ADCY7: variants seen among roughly 807,000 people sequenced by gnomAD.
ADCY7 encodes adenylate cyclase type 7.
In ADCY7, 72 loss-of-function variants were observed where a neutral mutation model predicts 120.6. That is an observed-to-expected ratio of 0.60 (90% CI 0.49 to 0.73). The LOEUF is 0.73. ADCY7 is among the 30% of genes least tolerant of loss of function. The pLI is 0.00. For synonymous variants in ADCY7, 661 were observed against 628.0 expected (o/e 1.05, Z -0.78); for missense variants, 1,227 against 1,486.0 (o/e 0.83, Z 2.87).
chr16:50,310,681 CCT>C lies in ADCY7; in HGVS notation c.2161-4_2161-3del, dbSNP rs1263136851. ...CCCTGTCCTGAGTGACACCCTGCCC[CCT>C]CAGTACTACACCTGCAGCTGTGTCC... On this transcript the variant is annotated splice_polypyrimidine_tract_variant and splice_region_variant and intron_variant, in intron 18 of 25. Coordinates refer to ENST00000673801, the MANE Select transcript of ADCY7 (RefSeq NM_001114.5). 1.6e-5 allele frequency: 26 copies of C among 1,613,160 alleles called. No homozygotes were observed. The highest frequency in any genetic ancestry group is 2.0e-5 in the Non-Finnish European group (24 of 1,179,584).
chr16:50,309,755 A>G (rs1018804894), intron 18 of ADCY7, 109 bp downstream of exon 18: 2 of 965,762 alleles, frequency 2.1e-6, no homozygotes, highest in Non-Finnish European at 3.0e-6. Flanking sequence ...AGAGCACAGC[A>G]TGTGGAGGCT....
chr16:50,312,775 C>CT (rs1230110316), intron 21 of ADCY7, 115 bp from the exon 22 acceptor site: 1 of 906,322 alleles, frequency 1.1e-6, no homozygotes, highest in African/African-American at 1.7e-5. Flanking sequence ...CCCCTCCCCA[C>CT]TCCCCGAAAG....
upstream of ADCY7, among the ~76,000 whole-genome samples, chr16:50,262,234 C>G (rs1051070785): frequency 6.6e-6 from 1 of 151,800 alleles, no homozygotes; most frequent in Non-Finnish European, 1.5e-5. Context: ...ATGCCTGGAC[C>G]CTGCTGGGTA....
chr16:50,310,466 G>GC, intron 18 of ADCY7: 1 of 1,536,244 alleles, frequency 6.5e-7, no homozygotes, highest in Non-Finnish European at 8.7e-7. Context: ...CCTGCATACT[G>GC]TTTTTTCCCG....
chr16:50,287,264 C>T (rs2034639027), intron 1 of ADCY7, among the ~76,000 whole-genome samples: 1 of 151,920 alleles, frequency 6.6e-6, no homozygotes, highest in Non-Finnish European at 1.5e-5. Flanking sequence ...ATCTGCCTGC[C>T]TCGACCTCTC....
intron 20 of ADCY7, 61 bp from the exon 21 acceptor site, chr16:50,311,975 G>A: frequency 1.2e-6 from 2 of 1,602,740 alleles, no homozygotes; most frequent in East Asian, 2.2e-5. Context: ...GCTAGGAGAT[G>A]CACAGCAGCA....
intron 1 of ADCY7, among the ~76,000 whole-genome samples, chr16:50,269,790 C>A (rs1186019268): frequency 6.6e-6 from 1 of 152,174 alleles, no homozygotes; most frequent in Non-Finnish European, 1.5e-5. Context: ...GGAGAAAGTT[C>A]CAGGCCTTTG....
At chr16:50,294,400 C>T (rs540651125) in intron 6 of ADCY7, among the ~76,000 whole-genome samples, 3 of 152,264 alleles carry the variant, frequency 2.0e-5, no homozygotes, top group East Asian at 1.9e-4. Context: ...GGGGTGGGGC[C>T]GAGGGCTCCT....
chr16:50,278,485 A>G (rs776296986), intron 1 of ADCY7, among the ~76,000 whole-genome samples: 1 of 152,184 alleles, frequency 6.6e-6, no homozygotes, highest in African/African-American at 2.4e-5. Flanking sequence ...TCCTTGTGAT[A>G]TGAATCACAA....
intron 1 of ADCY7, among the ~76,000 whole-genome samples, chr16:50,276,933 T>C (rs1279220473): frequency 2.0e-5 from 3 of 152,176 alleles, no homozygotes; most frequent in African/African-American, 7.2e-5. Context: ...GGGATTCATT[T>C]TTCCTATTAC....
chr16:50,275,943 A>G (rs2150866623), intron 1 of ADCY7, among the ~76,000 whole-genome samples: 1 of 152,196 alleles, frequency 6.6e-6, no homozygotes, highest in East Asian at 1.9e-4. Flanking sequence ...AGGTTCTCAG[A>G]GGAGACAGCC....
chr16:50,313,801 T>G (rs778368103), intron 22 of ADCY7, 157 bp from the exon 23 acceptor site: 20 of 622,054 alleles, frequency 3.2e-5, no homozygotes, highest in South Asian at 5.9e-5. Context: ...GTCCTCACCA[T>G]GCTTAGTCAT....
intron 10 of ADCY7, 143 bp downstream of exon 10, chr16:50,301,357 G>C: frequency 8.7e-7 from 1 of 1,153,940 alleles, no homozygotes. Context: ...TGAGCTCCCT[G>C]TTCCCAGGCA....
intron 10 of ADCY7, among the ~76,000 whole-genome samples, chr16:50,303,085 T>C (rs1446254513): frequency 1.3e-5 from 2 of 152,198 alleles, no homozygotes; most frequent in African/African-American, 4.8e-5. Context: ...TATTTGTTTC[T>C]CAGGGGGCTG....
rs1445553498 is a variant in ADCY7 at position 50,293,364 on chromosome 16, T to C, written c.698T>C (p.Leu233Pro). The change falls in exon 6 of 26, where the codon CTG becomes CCG. Residue 233 changes from leucine (L) to proline (P), a missense_variant. By Grantham distance (98) the Leu-to-Pro change is moderately conservative. This residue lies in a region of ADCY7 where 382 missense variants were observed against 411.4 expected (regional missense o/e 0.93). Transcript: ENST00000673801. Reference sequence around the variant, plus strand: ...CCCACCCACACCCAGGAGAACCTGCTGCTGTCAGTGCTTCCGGCCCACATC... The same window carrying C: ...CCCACCCACACCCAGGAGAACCTGCCGCTGTCAGTGCTTCCGGCCCACATC... The part of the protein sequence containing the change: ...RIEKRQQENL[L>P]LSVLPAHISM... The C allele has an allele frequency of 6.2e-7, 1 of 1,613,208 alleles. No individual in the cohort carries two copies. Among genetic ancestry groups the C allele is most frequent in the Non-Finnish European group, 8.5e-7 (1 of 1,179,436 alleles).
At position 50,292,704 on chromosome 16, in the gene ADCY7, G is replaced by A. The variant is rs751404711; in HGVS notation, c.566G>A (p.Cys189Tyr). 1.5e-5 allele frequency: 24 copies of A among 1,613,840 alleles called. No individual in the cohort carries two copies. The highest frequency in any genetic ancestry group is 1.8e-5 in the Non-Finnish European group (21 of 1,179,990). ...QLLANAVIFL[C>Y]GNLTGAFHKH... is the part of the protein sequence containing the mutation. ...CTGGCCAACGCAGTCATCTTCCTGT[G>A]TGGGAACCTGACAGGCGCCTTCCAC... Residue 189 changes from cysteine (C) to tyrosine (Y), a missense_variant, in exon 5 of 26, where the codon TGT becomes TAT. By Grantham distance (194) the Cys-to-Tyr change is radical. Transcript: ENST00000673801.
At chr16:50,249,739 G>A (rs1045586358) in intron 1 of ADCY7, among the ~76,000 whole-genome samples, 6 of 152,250 alleles carry the variant, frequency 3.9e-5, no homozygotes, top group Non-Finnish European at 7.3e-5. Flanking sequence ...CTCTGGAAAT[G>A]GCTATGTGGG....
chr16:50,298,234 C>T (rs181094788), intron 7 of ADCY7, among the ~76,000 whole-genome samples: 1 of 152,258 alleles, frequency 6.6e-6, no homozygotes, highest in African/African-American at 2.4e-5. Flanking sequence ...CCTCTGTCCT[C>T]ACCCCCCACT....
intron 14 of ADCY7, among the ~76,000 whole-genome samples, chr16:50,306,778 A>C (rs1001777739): frequency 1.3e-5 from 2 of 152,220 alleles, no homozygotes; most frequent in Non-Finnish European, 2.9e-5. Flanking sequence ...AACAGGCGAA[A>C]CTTACCAAGT....
Sources: allele counts gnomAD v4.1 joint callset (sites outside exome capture counted in the v4.1 genomes callset), GRCh38; gene constraint gnomAD v4.1.1; regional missense constraint gnomAD v4.1.1; transcripts MANE v1.5; gene names NCBI Gene and HGNC (gene_info 2026-07-23, HGNC 2026-07-21).